HHIPL1: variants seen among roughly 807,000 people sequenced by gnomAD.
HHIPL1 encodes the protein HHIP-like protein 1.
HHIPL1 carries 43 observed loss-of-function variants against 61.8 expected under a neutral mutation model. The ratio of observed to expected loss-of-function variants is 0.70; its 90% confidence interval spans 0.55 to 0.90. HHIPL1 has a LOEUF of 0.90. Ranked by LOEUF, HHIPL1 falls within the 40% of genes least tolerant of loss-of-function variation. The probability of loss-of-function intolerance (pLI) is 0.00; values close to 1 mark genes in which losing one functional copy is unlikely to be tolerated. For synonymous variants in HHIPL1, 482 were observed against 515.8 expected (o/e 0.93, Z 0.89); for missense variants, 1,056 against 1,157.7 (o/e 0.91, Z 1.28).
chr14:99,610,498 A>G, the HHIPL1 span, among the ~76,000 whole-genome samples: 1 of 152,120 alleles, frequency 6.6e-6, no homozygotes, highest in East Asian at 1.9e-4. Flanking sequence ...GGTGGCTCAC[A>G]CCTGTAATCC....
chr14:99,675,116 C>T lies in HHIPL1; in HGVS notation c.1839C>T (p.Thr613=), dbSNP rs2056371279. Residue 613 remains threonine (T), a synonymous_variant, in exon 9 of 9, where the codon ACC becomes ACT. Transcript: ENST00000330710. The surrounding 1 kb of genome is among the most constrained non-coding windows in gnomAD (Gnocchi z 5.4). ...KEKFIPKTRS[T]PRPTARAPTR... ...AGTTCATCCCGAAGACACGGAGCACCCCGCGGCCTACAGCGCGGGCGCCCA... is the reference window on the plus strand; with the variant it reads ...AGTTCATCCCGAAGACACGGAGCACTCCGCGGCCTACAGCGCGGGCGCCCA... 8.6e-7 allele frequency: 1 copy of T among 1,161,708 alleles called. No homozygotes were observed. Among genetic ancestry groups the T allele is most frequent in the South Asian group, 2.7e-5 (1 of 36,428 alleles). 72.0% of individuals were successfully genotyped at this position (1,161,708 alleles called of 1,614,324 possible).
At chr14:99,607,228 C>CAG in the HHIPL1 span, among the ~76,000 whole-genome samples, 3 of 151,886 alleles carry the variant, frequency 2.0e-5, no homozygotes, top group African/African-American at 7.3e-5. Context: ...CCCATAGAGA[C>CAG]AGAGTCTCAC....
chr14:99,651,770 T>C (rs1315158332), intron 1 of HHIPL1, among the ~76,000 whole-genome samples: 2 of 152,106 alleles, frequency 1.3e-5, no homozygotes, highest in African/African-American at 4.8e-5. Flanking sequence ...GAGCACTTCG[T>C]GTTTTACTGT....
intron 8 of HHIPL1, among the ~76,000 whole-genome samples, chr14:99,674,538 C>T (rs1024830650): frequency 2.0e-5 from 3 of 152,152 alleles, no homozygotes; most frequent in South Asian, 2.1e-4. Context: ...GAGATTCACC[C>T]TGACCCCAGG....
chr14:99,611,761 G>A, the HHIPL1 span, among the ~76,000 whole-genome samples: 3 of 150,644 alleles, frequency 2.0e-5, no homozygotes, highest in East Asian at 2.0e-4. Context: ...TTTCCTATAA[G>A]CAATGCCCTG....
chr14:99,669,354 C>T (rs917278646), intron 7 of HHIPL1: 57 of 1,000,908 alleles, frequency 5.7e-5, no homozygotes, highest in Admixed American at 2.1e-4. Flanking sequence ...ACACTGGGTA[C>T]GGACACAGCT....
intron 1 of HHIPL1, among the ~76,000 whole-genome samples, chr14:99,650,606 C>T (rs1420049247): frequency 2.0e-5 from 3 of 152,228 alleles, no homozygotes; most frequent in East Asian, 1.9e-4. Context: ...CCCCAGCCCA[C>T]TGGCATGTGA....
Position 99,668,537 on chromosome 14 carries a change from G to GGA in HHIPL1, c.1730+236_1730+237dup, listed in dbSNP as rs1473573507. Among the ~76,000 whole-genome samples, 3 of 152,150 alleles carry GGA rather than the reference G, an allele frequency of 2.0e-5. No individual in the cohort carries two copies. Among genetic ancestry groups the GGA allele is most frequent in the Non-Finnish European group, 4.4e-5 (3 of 68,016 alleles). On this transcript the variant is annotated intron_variant, in intron 7 of 8. Coordinates refer to ENST00000330710, the MANE Select transcript of HHIPL1 (RefSeq NM_001127258.3). This position sits in a 1 kb window ranked among gnomAD's most constrained non-coding sequence, Gnocchi z 4.7. ...AAGCACAGGTCTATTAGGATAGGAG[G>GGA]GAGCTGGAGAGGTGACTGGGGCCGC...
chr14:99,644,972 C>A (rs1188229183), upstream of HHIPL1: 1 of 371,294 alleles, frequency 2.7e-6, no homozygotes, highest in Non-Finnish European at 4.7e-6. Context: ...CGGGCCACTC[C>A]CATCGAATTT....
rs140994822 is a variant in HHIPL1, at chr14:99,657,066, C to G, written c.969C>G (p.Asp323Glu). ...GGGGCCAGCTGCTTTTCGGGGATGA[C>G]GGGTACCTCTACATCTTCACTGGAG... The part of the protein sequence containing the change: ...HNGGQLLFGD[D>E]GYLYIFTGDG... Residue 323 changes from aspartate (D) to glutamate (E), a missense_variant, in exon 3 of 9, where the codon GAC becomes GAG. Transcript: ENST00000330710. 1.9e-6 allele frequency: 3 copies of G among 1,613,518 alleles called. No homozygotes were observed. The highest frequency in any genetic ancestry group is 1.7e-6 in the Non-Finnish European group (2 of 1,179,740).
chr14:99,672,471 C>A, intron 8 of HHIPL1, 72 bp downstream of exon 8: 1 of 1,314,676 alleles, frequency 7.6e-7, no homozygotes, highest in Non-Finnish European at 1.1e-6. Context: ...GCCTTTCCAG[C>A]CAGACTCGGG....
At chr14:99,644,964 G>A, upstream of HHIPL1, 1 of 361,542 alleles carries the variant, frequency 2.8e-6, no homozygotes, top group Non-Finnish European at 4.9e-6. Flanking sequence ...AAACAGACCG[G>A]GCCACTCCCA....
At chr14:99,622,353 G>T in the HHIPL1 span, among the ~76,000 whole-genome samples, 1 of 152,166 alleles carries the variant, frequency 6.6e-6, no homozygotes, top group Non-Finnish European at 1.5e-5. Flanking sequence ...CACCCCTGGG[G>T]TGCTCTGTCC....
chr14:99,655,921 C>A (rs558548479), intron 2 of HHIPL1, among the ~76,000 whole-genome samples: 3 of 152,336 alleles, frequency 2.0e-5, no homozygotes, highest in East Asian at 3.9e-4. Context: ...CCAGCCAACC[C>A]TGCTGTCTCT....
chr14:99,620,771 C>T, the HHIPL1 span, among the ~76,000 whole-genome samples: 70 of 152,330 alleles, frequency 4.6e-4, no homozygotes, highest in African/African-American at 1.6e-3. Flanking sequence ...GCCTGCAGAA[C>T]GTAGGGGGGC....
intron 6 of HHIPL1, among the ~76,000 whole-genome samples, chr14:99,667,847 A>C (rs1206911081): frequency 6.6e-6 from 1 of 152,146 alleles, no homozygotes; most frequent in Non-Finnish European, 1.5e-5. Flanking sequence ...GCAGTTGGGG[A>C]GCTGGGCTGT....
intron 2 of HHIPL1, among the ~76,000 whole-genome samples, chr14:99,656,383 T>C (rs1022161157): frequency 2.6e-5 from 4 of 152,200 alleles, no homozygotes; most frequent in African/African-American, 9.7e-5. Flanking sequence ...TCAACCTCTC[T>C]GAGCCTTTAG....
At chr14:99,652,989 G>T (rs1262651343) in intron 2 of HHIPL1, 119 bp downstream of exon 2, 2 of 1,039,276 alleles carry the variant, frequency 1.9e-6, no homozygotes, top group East Asian at 2.6e-5. Flanking sequence ...CCTGGTGGGG[G>T]TGCTGAATTT....
chr14:99,632,467 T>G, the HHIPL1 span, among the ~76,000 whole-genome samples: 1 of 152,140 alleles, frequency 6.6e-6, no homozygotes, highest in Admixed American at 6.5e-5. Context: ...GCTGAGAACA[T>G]CCAGTCCTCA....
Sources: gnomAD v4.1 joint callset for allele counts (sites outside exome capture counted in the v4.1 genomes callset) on GRCh38, gnomAD v4.1.1 for gene constraint, Gnocchi (gnomAD v3.1) non-coding constraint, MANE v1.5 for transcripts, NCBI Gene and HGNC (gene_info 2026-07-23, HGNC 2026-07-21) for gene names.